Variants in UNKL observed in about 807,000 individuals in gnomAD.
UNKL encodes the protein putative E3 ubiquitin-protein ligase UNKL.
UNKL carries 60 observed loss-of-function variants against 78.0 expected under a neutral mutation model. The ratio of observed to expected loss-of-function variants is 0.77; its 90% CI spans 0.63 to 0.95. The LOEUF (loss-of-function observed/expected upper bound fraction) is 0.95, where lower values mean the gene tolerates loss of function less well. Ranked by LOEUF, UNKL falls within the 40% of genes least tolerant of loss-of-function variation. The probability of loss-of-function intolerance (pLI) is 0.00; values close to 1 mark genes in which losing one functional copy is unlikely to be tolerated. For missense variants in UNKL, 1,159 were observed against 1,045.7 expected (o/e 1.11, Z -1.49); for synonymous variants, 608 against 474.8 (o/e 1.28, Z -3.65).
In UNKL at chr16:1,367,827, G is replaced by C. The variant is rs773342752; in HGVS notation, c.1617C>G (p.Asp539Glu). The C allele has an allele frequency of 5.1e-6, 8 of 1,574,824 alleles. No individual in the cohort carries two copies. Among genetic ancestry groups the C allele is most frequent in the Non-Finnish European group, 1.7e-6 (2 of 1,161,286 alleles). ...TGGGGGAGAAGCTGCCGGAAACAAA[G>C]TCCCAGATGCTCCCGGGGACACCGT... ...GLNGVPGSIWDFVSGSFSPSP... is the reference protein window; with the variant it reads ...GLNGVPGSIWEFVSGSFSPSP... The change falls in exon 13 of 15, where the codon GAC (aspartate) becomes GAG (glutamate). Residue 539 changes from aspartate (D) to glutamate (E), a missense_variant. Transcript: ENST00000389221.
intron 12 of UNKL, among the ~76,000 whole-genome samples, chr16:1,368,441 A>G (rs1245002019): frequency 6.6e-6 from 1 of 151,900 alleles, no homozygotes; most frequent in African/African-American, 2.4e-5. Flanking sequence ...TCTCTACTAA[A>G]AATACAAAAA....
Position 1,392,864 on chromosome 16 carries a change from A to G in UNKL, c.1023+27T>C, listed in dbSNP as rs1402041825. ...TCAATTAAACCAAAGGACACTGGGC[A>G]TTGTCCTGGGAAGGCCGTTCACTTA... On this transcript the variant is annotated intron_variant, in intron 8 of 14. Transcript: ENST00000389221. The G allele has an allele frequency of 2.6e-6, 4 of 1,550,092 alleles. No individual in the cohort carries two copies. In the South Asian group the frequency reaches 4.8e-5, roughly 18 times the overall value.
chr16:1,379,389 G>C (rs2036479314), intron 10 of UNKL: 1 of 815,144 alleles, frequency 1.2e-6, no homozygotes, highest in Non-Finnish European at 1.5e-6. Flanking sequence ...GGACGCAGGC[G>C]GCCCGAGCCC....
intron 10 of UNKL, among the ~76,000 whole-genome samples, chr16:1,376,746 C>T (rs2036257302): frequency 6.6e-6 from 1 of 152,092 alleles, no homozygotes; most frequent in African/African-American, 2.4e-5. Context: ...AGCACGGAAC[C>T]CCTATATACC....
intron 5 of UNKL, chr16:1,398,680 C>CGGGG: frequency 4.1e-6 from 5 of 1,234,496 alleles, no homozygotes; most frequent in South Asian, 2.3e-5. Flanking sequence ...GTGGGGTCTG[C>CGGGG]ACCCCCCCAC....
rs1020559533 is a variant in UNKL, at chr16:1,385,363, G to A, written c.1109C>T (p.Ala370Val). The change falls in exon 10 of 15, where the codon GCG becomes GTG. Residue 370 changes from alanine (A) to valine (V), a missense_variant. Physicochemically the swap from Ala to Val is moderately conservative, Grantham distance 64. Transcript: ENST00000389221. ...SKQNHLAVFA[A>V]VHPPAPSVSS... is the part of the protein sequence containing the mutation. Reference sequence around the variant, plus strand: ...CACGCTGGGGGCCGGCGGGTGGACCGCTGCAAACACGGCCAGGTGGTTCTG... The same window carrying A: ...CACGCTGGGGGCCGGCGGGTGGACCACTGCAAACACGGCCAGGTGGTTCTG... 2.7e-5 allele frequency: 38 copies of A among 1,408,488 alleles called. No individual in the cohort carries two copies. The highest frequency in any genetic ancestry group is 2.1e-4 in the Middle Eastern group (1 of 4,768). 87.2% of individuals were successfully genotyped at this position (1,408,488 alleles called of 1,614,324 possible). A position where few individuals can be genotyped will look rare whatever the true frequency, so the allele number is the denominator to read the frequency against.
chr16:1,379,692 G>GCGCCC (rs1251811245), intron 10 of UNKL: 5 of 983,250 alleles, frequency 5.1e-6, no homozygotes, highest in Non-Finnish European at 6.0e-6. Flanking sequence ...AACCCGGCCC[G>GCGCCC]CGCCCCGCCC....
In UNKL at chr16:1,365,977, G is replaced by A. The variant is rs889985004; in HGVS notation, c.*263C>T. 5.2e-5 allele frequency: 18 copies of A among 345,758 alleles called. No homozygotes were observed. The highest frequency in any genetic ancestry group is 7.3e-5 in the Non-Finnish European group (14 of 190,804). 21.4% of individuals were successfully genotyped at this position (345,758 alleles called of 1,614,324 possible). A position where few individuals can be genotyped will look rare whatever the true frequency, so the allele number is the denominator to read the frequency against. ...CCAGGCCCCTCAGGGACAGGCAGGC[G>A]GGTTCTGTGGGTTTGCATTTAAGGT... is the stretch of plus-strand genomic sequence containing the variant. On this transcript the variant is annotated 3_prime_UTR_variant, in exon 15 of 15. Transcript: ENST00000389221.
chr16:1,411,299 T>C (rs2038028614), intron 2 of UNKL, among the ~76,000 whole-genome samples: 1 of 152,096 alleles, frequency 6.6e-6, no homozygotes, highest in Non-Finnish European at 1.5e-5. Flanking sequence ...TGCAATGAGC[T>C]GAGATCGTAC....
At position 1,364,421 on chromosome 16, in the gene UNKL, CG is replaced by C. The variant is rs1306179378; in HGVS notation, c.*1818del. 2.0e-5 allele frequency: 3 copies of C among 152,220 alleles called. No homozygotes were observed. The highest frequency in any genetic ancestry group is 4.4e-5 in the Non-Finnish European group (3 of 68,040). The allele number at this position is 152,220 out of a possible 1,614,324, so 9.4% of individuals were successfully genotyped here. Reference sequence around the variant, plus strand: ...TAAAAGTCTTTGGCAAAGCCACGGTCGGGGAGAAACACGTCGGTGCCGCTTC... The same window carrying C: ...TAAAAGTCTTTGGCAAAGCCACGGTCGGGAGAAACACGTCGGTGCCGCTTC... On this transcript the variant is annotated 3_prime_UTR_variant, in exon 15 of 15. Coordinates refer to ENST00000389221, the MANE Select transcript of UNKL (RefSeq NM_001372107.1).
In UNKL at chr16:1,363,238, A is replaced by T; in HGVS notation, c.*3002T>A. ...AAGGTTTTAATTAATTCCCATACTGATAAAAATAACTCCATGAATTCTGTA... is the reference window on the plus strand; with the variant it reads ...AAGGTTTTAATTAATTCCCATACTGTTAAAAATAACTCCATGAATTCTGTA... On this transcript the variant is annotated 3_prime_UTR_variant, in exon 15 of 15. Coordinates refer to ENST00000389221, the MANE Select transcript of UNKL (RefSeq NM_001372107.1). 2.8e-6 allele frequency: 2 copies of T among 716,242 alleles called. No individual in the cohort carries two copies. The highest frequency in any genetic ancestry group is 3.1e-5 in the South Asian group (2 of 65,104). The allele number at this position is 716,242 out of a possible 1,614,324, so 44.4% of individuals were successfully genotyped here.
At position 1,401,829 on chromosome 16, in the gene UNKL, G is replaced by A. The variant is rs1432955954; in HGVS notation, c.465-128C>T. 3.2e-5 allele frequency: 42 copies of A among 1,298,356 alleles called. 1 individual carries two copies. In the Middle Eastern group the frequency reaches 2.9e-3, roughly 90 times the overall value. 80.4% of individuals were successfully genotyped at this position (1,298,356 alleles called of 1,614,324 possible). ...GGCTGCTGCCGAAGGGTTCAGGACG[G>A]AGTCTCAGTGTGTGGCGCTCCGCTG... On this transcript the variant is annotated intron_variant, in intron 3 of 14. Transcript: ENST00000389221.
chr16:1,395,806 C>T (rs754345963), intron 6 of UNKL: 2 of 455,296 alleles, frequency 4.4e-6, no homozygotes, highest in Non-Finnish European at 8.9e-6. Context: ...GGACTCCCGA[C>T]AGGCCCCTGG....
In UNKL at chr16:1,363,653, C is replaced by T. The variant is rs1384873436; in HGVS notation, c.*2587G>A. The T allele has an allele frequency of 5.3e-6, 1 of 186,956 alleles. No individual in the cohort carries two copies. The highest frequency in any genetic ancestry group is 1.5e-4 in the East Asian group (1 of 6,896). 11.6% of individuals were successfully genotyped at this position (186,956 alleles called of 1,614,324 possible). On this transcript the variant is annotated 3_prime_UTR_variant, in exon 15 of 15. Transcript: ENST00000389221. ...CACCTCAGCCTCCACGGGGCACCTT[C>T]CAGCCACTGCTGTGCCTCAGCCACC...
At chr16:1,374,513 GT>G (rs1567206961) in intron 10 of UNKL, among the ~76,000 whole-genome samples, 2 of 152,162 alleles carry the variant, frequency 1.3e-5, no homozygotes. Flanking sequence ...AGACCCGACC[GT>G]GGGGGTCGGC....
intron 10 of UNKL, chr16:1,379,664 G>A: frequency 6.1e-6 from 6 of 984,108 alleles, no homozygotes; most frequent in Non-Finnish European, 7.2e-6. Context: ...GCCGCCCCGC[G>A]CCGCCGCCGG....
chr16:1,409,374 T>C lies in UNKL; in HGVS notation c.287+4472A>G, dbSNP rs962192750. On this transcript the variant is annotated intron_variant, in intron 2 of 14. Transcript: ENST00000389221. Reference sequence around the variant, plus strand: ...TTCCCTTTGTTCAGCGATGAGAAAGTCCCACTCCCGTGGAATGAAGGATAA... The same window carrying C: ...TTCCCTTTGTTCAGCGATGAGAAAGCCCCACTCCCGTGGAATGAAGGATAA... Among the ~76,000 whole-genome samples, 7 of 149,112 alleles carry C rather than the reference T, an allele frequency of 4.7e-5. No individual in the cohort carries two copies. The Admixed American group carries it at 4.8e-4, about 10-fold the overall frequency.
chr16:1,381,473 A>T (rs1352366265), intron 10 of UNKL, among the ~76,000 whole-genome samples: 1 of 152,120 alleles, frequency 6.6e-6, no homozygotes, highest in East Asian at 1.9e-4. Context: ...TACAAAAATT[A>T]GCCGGGCATG....
Position 1,401,707 on chromosome 16 carries a change from A to G in UNKL, c.465-6T>C, listed in dbSNP as rs1405592098. On this transcript the variant is annotated splice_region_variant and splice_polypyrimidine_tract_variant and intron_variant, in intron 3 of 14. Coordinates refer to ENST00000389221, the MANE Select transcript of UNKL (RefSeq NM_001372107.1). ...CTTCCTGGGCCTGCAGCTCCCTGCAAGCCGAGGACACAGTGGTCACAGCTC... is the reference window on the plus strand; with the variant it reads ...CTTCCTGGGCCTGCAGCTCCCTGCAGGCCGAGGACACAGTGGTCACAGCTC... 1 of 1,606,204 alleles carries G rather than the reference A, an allele frequency of 6.2e-7. No homozygotes were observed. The highest frequency in any genetic ancestry group is 8.5e-7 in the Non-Finnish European group (1 of 1,177,522).
Sources: gnomAD v4.1 joint callset for allele counts (sites outside exome capture counted in the v4.1 genomes callset) on GRCh38, gnomAD v4.1.1 for gene constraint, MANE v1.5 for transcripts, NCBI Gene and HGNC (gene_info 2026-07-23, HGNC 2026-07-21) for gene names.